FRRS1: variants seen among roughly 807,000 people sequenced by gnomAD.
The protein encoded by FRRS1 is ferric chelate reductase 1, also known as ferric reductase 1.
FRRS1 carries 51 observed loss-of-function variants against 70.7 expected under a neutral mutation model. The ratio of observed to expected loss-of-function variants is 0.72; its 90% confidence interval spans 0.58 to 0.91. The LOEUF (loss-of-function observed/expected upper bound fraction) is 0.91, where lower values mean the gene tolerates loss of function less well. FRRS1 is among the 40% of genes least tolerant of loss of function. The pLI is 0.00. For synonymous variants in FRRS1, 225 were observed against 238.7 expected, an observed-to-expected ratio of 0.94 and a Z score of 0.53; for missense variants, 672 against 726.0, an observed-to-expected ratio of 0.93 and a Z score of 0.86.
chr1:99,710,746 TC>T, intron 15 of FRRS1, 59 bp downstream of exon 15: 1 of 1,484,878 alleles, frequency 6.7e-7, no homozygotes, highest in Non-Finnish European at 9.2e-7. Context: ...GGAAGCGCAT[TC>T]TTTTCCAATG....
intron 1 of FRRS1, among the ~76,000 whole-genome samples, chr1:99,760,116 T>C (rs2101003782): frequency 6.6e-6 from 1 of 152,292 alleles, no homozygotes; most frequent in East Asian, 1.9e-4. Context: ...TTCATAGAAC[T>C]AAAACTCCAG....
intron 7 of FRRS1, among the ~76,000 whole-genome samples, chr1:99,731,724 ACTACAACAGAGTTTAGTAG>A (rs1049411618): frequency 6.6e-6 from 1 of 152,364 alleles, no homozygotes; most frequent in South Asian, 2.1e-4. Flanking sequence ...CTGCTTTTAT[ACTACAACAGAGTTTAGTAG>A]CTACAACAGA....
In FRRS1 at chr1:99,709,217, A is replaced by G; in HGVS notation, c.1667T>C (p.Phe556Ser). ...ACTTACCTCTGTTTCCACTGCAGTA[A>G]ATGACTGAAGGATCTGAATTCTGTC... Reference protein sequence around the residue: ...DDDRIQILQSFTAVETEGHAF... With the variant: ...DDDRIQILQSSTAVETEGHAF... Residue 556 changes from phenylalanine (F) to serine (S), a missense_variant, in exon 16 of 17, where the codon TTT becomes TCT. Physicochemically the swap from Phe to Ser is radical, Grantham distance 155. Transcript: ENST00000646001. 1 of 1,611,364 alleles carries G rather than the reference A, an allele frequency of 6.2e-7. No homozygotes were observed.
rs1274838716 is a variant in FRRS1 at position 99,709,110 on chromosome 1, A to T, written c.1697T>A (p.Phe566Tyr). ...ATAAATTGCCAACACTGCCTTTTTA[A>T]AAGCATGACCCTGAAAGAAAAATTG... ...FTAVETEGHAFKKAVLAIYVC... is the reference protein window; with the variant it reads ...FTAVETEGHAYKKAVLAIYVC... The change falls in exon 17 of 17, where the codon TTT becomes TAT. Residue 566 changes from phenylalanine to tyrosine, a missense_variant. Phe to Tyr is a conservative substitution (Grantham distance 22). Coordinates refer to ENST00000646001, the MANE Select transcript of FRRS1 (RefSeq NM_001361041.2). 7 of 1,613,212 alleles carry T rather than the reference A, an allele frequency of 4.3e-6. No homozygotes were observed. The highest frequency in any genetic ancestry group is 5.1e-6 in the Non-Finnish European group (6 of 1,179,568).
At chr1:99,745,885 C>A (rs1418388818) in intron 4 of FRRS1, among the ~76,000 whole-genome samples, 1 of 151,970 alleles carries the variant, frequency 6.6e-6, no homozygotes, top group Non-Finnish European at 1.5e-5. Flanking sequence ...TGGCACCTCC[C>A]CCCCCACTAA....
At chr1:99,717,586 G>A in intron 10 of FRRS1, 61 bp from the exon 11 acceptor site, 1 of 1,125,952 alleles carries the variant, frequency 8.9e-7, no homozygotes, top group Non-Finnish European at 1.4e-6. Flanking sequence ...TCGCTTAAAT[G>A]ACCAAGCCAA....
chr1:99,709,254 T>A lies in FRRS1; in HGVS notation c.1630A>T (p.Ile544Leu), dbSNP rs1160960611. Reference protein sequence around the residue: ...HAYRLSRKVEILDDDRIQILQ... With the variant: ...HAYRLSRKVELLDDDRIQILQ... ...ATCTGAATTCTGTCATCATCCAATA[T>A]TTCAACTGTCAAGAATAATAACATA... Residue 544 changes from isoleucine to leucine, a missense_variant, in exon 16 of 17, where the codon ATA becomes TTA. By Grantham distance (5) the Ile-to-Leu change is conservative (BLOSUM62 2). Coordinates refer to ENST00000646001, the MANE Select transcript of FRRS1 (RefSeq NM_001361041.2). The A allele has an allele frequency of 3.7e-6, 6 of 1,603,516 alleles. 1 individual carries two copies. In the South Asian group the frequency reaches 4.4e-5, roughly 12 times the overall value.
intron 6 of FRRS1, among the ~76,000 whole-genome samples, chr1:99,738,860 G>A (rs1655810699): frequency 6.6e-6 from 1 of 152,104 alleles, no homozygotes; most frequent in East Asian, 1.9e-4. Context: ...TTATTGGGGG[G>A]AGAAATAAGC....
intron 9 of FRRS1, among the ~76,000 whole-genome samples, chr1:99,722,561 A>T (rs530827545): frequency 6.6e-6 from 1 of 152,352 alleles, no homozygotes; most frequent in Non-Finnish European, 1.5e-5. Flanking sequence ...GAATGTGAGG[A>T]TCATTCACTG....
intron 7 of FRRS1, among the ~76,000 whole-genome samples, chr1:99,737,734 TG>T (rs1295407001): frequency 6.6e-6 from 1 of 152,032 alleles, no homozygotes; most frequent in Non-Finnish European, 1.5e-5. Context: ...TTTGGTTTTT[TG>T]TTTGTTTGTT....
In FRRS1 at chr1:99,743,825, G is replaced by A. The variant is rs113699798; in HGVS notation, c.334-1552C>T. 6.9e-3 allele frequency among the ~76,000 whole-genome samples: 1,044 copies of A among 152,166 alleles called. 16 individuals are homozygous for A. Among genetic ancestry groups the A allele is most frequent in the African/African-American group, 0.024 (1,001 of 41,518 alleles). ...TCAGCCTCCCAAAGTACTGGGATTA[G>A]AGGGATGAGCCACTGCACCCAGCTT... On this transcript the variant is annotated intron_variant, in intron 4 of 16. Transcript: ENST00000646001.
chr1:99,751,784 A>C (rs1656580763), intron 1 of FRRS1, among the ~76,000 whole-genome samples: 1 of 152,186 alleles, frequency 6.6e-6, no homozygotes, highest in South Asian at 2.1e-4. Context: ...GAAAAACAAT[A>C]AAGGTCAGAA....
chr1:99,757,949 GGAA>G (rs869053651), intron 1 of FRRS1, among the ~76,000 whole-genome samples: 32 of 132,488 alleles, frequency 2.4e-4, no homozygotes, highest in Admixed American at 5.8e-4. Flanking sequence ...ATGCCTGGGA[GGAA>G]AAAAAAAAAA....
At chr1:99,713,494 G>A (rs72956492) in intron 12 of FRRS1, among the ~76,000 whole-genome samples, 15,947 of 152,166 alleles carry the variant, frequency 0.1, 1,554 homozygotes, top group African/African-American at 0.26. Flanking sequence ...CTACCTAAAA[G>A]GCAGGAGGGA....
chr1:99,755,452 G>A (rs1225692581), intron 1 of FRRS1, among the ~76,000 whole-genome samples: 2 of 151,834 alleles, frequency 1.3e-5, no homozygotes, highest in Non-Finnish European at 2.9e-5. Flanking sequence ...ACGGAGAGAG[G>A]GAAGGAAGGG....
At chr1:99,762,476 T>C (rs530242505) in intron 1 of FRRS1, among the ~76,000 whole-genome samples, 20 of 146,052 alleles carry the variant, frequency 1.4e-4, no homozygotes, top group South Asian at 2.2e-4. Flanking sequence ...TCTTTTTTTT[T>C]CCCTTTTTTT....
At chr1:99,735,603 T>C (rs932468716) in intron 7 of FRRS1, among the ~76,000 whole-genome samples, 8 of 152,324 alleles carry the variant, frequency 5.3e-5, no homozygotes, top group Admixed American at 1.3e-4. Context: ...CAAACAGGTG[T>C]ACAGATTATT....
chr1:99,719,648 C>A lies in FRRS1; in HGVS notation c.1007-1G>T. The A allele has an allele frequency of 6.6e-7, 1 of 1,509,056 alleles. No individual in the cohort carries two copies. Among genetic ancestry groups the A allele is most frequent in the Non-Finnish European group, 9.2e-7 (1 of 1,089,718 alleles). 93.5% of individuals were successfully genotyped at this position (1,509,056 alleles called of 1,614,324 possible). A position where few individuals can be genotyped will look rare whatever the true frequency, so the allele number is the denominator to read the frequency against. On this transcript the variant is annotated splice_acceptor_variant, in intron 9 of 16. Coordinates refer to ENST00000646001, the MANE Select transcript of FRRS1 (RefSeq NM_001361041.2). LOFTEE classifies it high-confidence loss of function. ...TGCTGAGAGTGCTTGTAAATTCGAC[C>A]TGCAAATTAAAAACAAAATTAAACA... is the stretch of plus-strand genomic sequence containing the variant.
Position 99,738,195 on chromosome 1 carries a change from G to A in FRRS1, c.650C>T (p.Ala217Val). 6.2e-7 allele frequency: 1 copy of A among 1,613,764 alleles called. No homozygotes were observed. The highest frequency in any genetic ancestry group is 8.5e-7 in the Non-Finnish European group (1 of 1,179,682). ...TGTGAAGGACAAGAAGACACAGGAA[G>A]CCTCCTTCTCTGGGTCACAGTTCAA... ...SPLNCDPEKE[A>V]SCVFLSFTRD... Residue 217 changes from alanine (A) to valine (V), a missense_variant, in exon 7 of 17, where the codon GCT (alanine) becomes GTT (valine). Physicochemically the swap from Ala to Val is moderately conservative, Grantham distance 64. Transcript: ENST00000646001.
Sources: allele counts gnomAD v4.1 joint callset (sites outside exome capture counted in the v4.1 genomes callset), GRCh38; gene constraint gnomAD v4.1.1; transcripts MANE v1.5; gene names NCBI Gene and HGNC (gene_info 2026-07-23, HGNC 2026-07-21).